Variants in EXT1 observed in about 807,000 individuals in gnomAD.
The protein encoded by EXT1 is exostosin-1.
Under a neutral mutation model 82.5 loss-of-function variants are expected in EXT1, and 20 were observed. The ratio of observed to expected loss-of-function variants is 0.24; its 90% confidence interval spans 0.17 to 0.35. The LOEUF is 0.35. EXT1 is among the 10% of genes least tolerant of loss of function. EXT1 has a pLI of 1.00. For synonymous variants in EXT1, 348 were observed against 350.8 expected, an observed-to-expected ratio of 0.99 and a Z score of 0.09; for missense variants, 757 against 936.5, an observed-to-expected ratio of 0.81 and a Z score of 2.50.
At chr8:117,867,721 T>C (rs1049027426) in intron 1 of EXT1, among the ~76,000 whole-genome samples, 8 of 152,240 alleles carry the variant, frequency 5.3e-5, no homozygotes, top group South Asian at 2.1e-4. Context: ...TTTGCTTTTA[T>C]TCCTTAAAAA....
At chr8:117,942,314 T>C (rs898038675) in intron 1 of EXT1, among the ~76,000 whole-genome samples, 1 of 152,194 alleles carries the variant, frequency 6.6e-6, no homozygotes, top group African/African-American at 2.4e-5. Flanking sequence ...CCTCTGGGTT[T>C]CTTCCTTATG....
At chr8:117,960,519 G>C (rs969406427) in intron 1 of EXT1, among the ~76,000 whole-genome samples, 14 of 152,148 alleles carry the variant, frequency 9.2e-5, no homozygotes, top group Non-Finnish European at 2.9e-5. Flanking sequence ...AGATTGGATA[G>C]AGAAACAAAT....
In EXT1 at chr8:117,799,644, C is replaced by T; in HGVS notation, c.*68G>A. ...CTGGCTCTGCTGATGAGTGGATCTG[C>T]ACTGGGAAGAGAGAGCAGCTTGACC... On this transcript the variant is annotated 3_prime_UTR_variant, in exon 11 of 11. Coordinates refer to ENST00000378204, the MANE Select transcript of EXT1 (RefSeq NM_000127.3). 1 of 1,562,168 alleles carries T rather than the reference C, an allele frequency of 6.4e-7. No individual in the cohort carries two copies. The highest frequency in any genetic ancestry group is 8.8e-7 in the Non-Finnish European group (1 of 1,133,462).
At chr8:117,923,944 A>G (rs1039920192) in intron 1 of EXT1, among the ~76,000 whole-genome samples, 2 of 152,194 alleles carry the variant, frequency 1.3e-5, no homozygotes, top group African/African-American at 2.4e-5. Flanking sequence ...ACACAGAGAC[A>G]TGTATTCACC....
At chr8:117,830,934 T>C (rs1459926785) in intron 3 of EXT1, among the ~76,000 whole-genome samples, 1 of 152,212 alleles carries the variant, frequency 6.6e-6, no homozygotes, top group East Asian at 1.9e-4. Flanking sequence ...CAAGTCTAAC[T>C]GGATCTCTCA....
chr8:118,038,783 A>T (rs558500018), intron 1 of EXT1, among the ~76,000 whole-genome samples: 5 of 152,172 alleles, frequency 3.3e-5, no homozygotes, highest in Non-Finnish European at 7.3e-5. Flanking sequence ...CTACATCTAA[A>T]AGATCCTAAT....
At chr8:118,046,035 A>G (rs1274744250) in intron 1 of EXT1, among the ~76,000 whole-genome samples, 5 of 151,548 alleles carry the variant, frequency 3.3e-5, no homozygotes, top group African/African-American at 1.2e-4. Flanking sequence ...GCCTCAAGTG[A>G]TCCGCCAGCC....
rs1427319973 is a variant in EXT1 at position 117,795,538 on chromosome 8, TG to T, written c.*4173del. ...GGGGCCAGGCGCAGTGGCTTACACC[TG>T]TAATCTCAGCACTTTGGGAGGCAGA... On this transcript the variant is annotated 3_prime_UTR_variant, in exon 11 of 11. Coordinates refer to ENST00000378204, the MANE Select transcript of EXT1 (RefSeq NM_000127.3). 1.9e-4 allele frequency: 28 copies of T among 151,000 alleles called. No homozygotes were observed. Among genetic ancestry groups the T allele is most frequent in the Non-Finnish European group, 1.6e-4 (11 of 67,884 alleles). The allele number at this position is 151,000 out of a possible 1,614,324, so 9.4% of individuals were successfully genotyped here.
rs577589491 is a variant in EXT1, at chr8:117,794,702, TAA to T, written c.*5008_*5009del. On this transcript the variant is annotated 3_prime_UTR_variant, in exon 11 of 11. Coordinates refer to ENST00000378204, the MANE Select transcript of EXT1 (RefSeq NM_000127.3). ...CACATACTTGAGGGCTTAATTACGCTAAGTCATTAATACTCTATAACAAATGG... is the reference window on the plus strand; with the variant it reads ...CACATACTTGAGGGCTTAATTACGCTGTCATTAATACTCTATAACAAATGG... 2.6e-5 allele frequency: 4 copies of T among 152,262 alleles called. No homozygotes were observed. The highest frequency in any genetic ancestry group is 4.2e-4 in the South Asian group (2 of 4,818). The allele number at this position is 152,262 out of a possible 1,614,324, so 9.4% of individuals were successfully genotyped here. A position where few individuals can be genotyped will look rare whatever the true frequency, so the allele number is the denominator to read the frequency against.
At chr8:118,028,879 G>A (rs1284075134) in intron 1 of EXT1, among the ~76,000 whole-genome samples, 16 of 152,060 alleles carry the variant, frequency 1.1e-4, no homozygotes, top group African/African-American at 3.1e-4. Flanking sequence ...CCAAGATCGC[G>A]CCATTGCACT....
chr8:117,823,299 G>A (rs1341664875), intron 4 of EXT1, among the ~76,000 whole-genome samples: 1 of 152,016 alleles, frequency 6.6e-6, no homozygotes, highest in Non-Finnish European at 1.5e-5. Flanking sequence ...TGGACTTTGG[G>A]ACCTTGCAGA....
At chr8:117,804,639 C>G in intron 10 of EXT1, 83 bp downstream of exon 10, 2 of 1,478,616 alleles carry the variant, frequency 1.4e-6, no homozygotes, top group Admixed American at 1.7e-5. Flanking sequence ...CTGGGTGGAA[C>G]AGCTAGAGGA....
chr8:117,867,332 A>AAAT (rs1812792490), intron 1 of EXT1, among the ~76,000 whole-genome samples: 1 of 151,512 alleles, frequency 6.6e-6, no homozygotes, highest in South Asian at 2.1e-4. Flanking sequence ...TTTAAATGTA[A>AAAT]AATCACTCCT....
Position 118,041,512 on chromosome 8 carries a change from G to A in EXT1, c.962+68573C>T, listed in dbSNP as rs138463458. On this transcript the variant is annotated intron_variant, in intron 1 of 10. Coordinates refer to ENST00000378204, the MANE Select transcript of EXT1 (RefSeq NM_000127.3). ...TAGGATATTATAAGAAGTCTATACC[G>A]AGTATTACAGGTGAAGCCCTTAGCA... 1.8e-3 allele frequency among the ~76,000 whole-genome samples: 277 copies of A among 152,238 alleles called. 1 individual carries two copies. Among genetic ancestry groups the A allele is most frequent in the Non-Finnish European group, 3.4e-3 (234 of 68,024 alleles).
chr8:118,041,264 G>A (rs946378582), intron 1 of EXT1, among the ~76,000 whole-genome samples: 2 of 152,122 alleles, frequency 1.3e-5, no homozygotes, highest in African/African-American at 4.8e-5. Flanking sequence ...ATGGTGCAGG[G>A]TAACGAGTCC....
At chr8:117,977,397 A>AAT (rs1377455924) in intron 1 of EXT1, among the ~76,000 whole-genome samples, 1 of 151,600 alleles carries the variant, frequency 6.6e-6, no homozygotes, top group Non-Finnish European at 1.5e-5. Flanking sequence ...AAAATAAAAA[A>AAT]AAAAAAAAAA....
In EXT1 at chr8:118,107,264, A is replaced by C. The variant is rs536920106; in HGVS notation, c.962+2821T>G. 2.0e-5 allele frequency among the ~76,000 whole-genome samples: 3 copies of C among 152,290 alleles called. No homozygotes were observed. In the East Asian group the frequency reaches 5.8e-4, roughly 29 times the overall value. On this transcript the variant is annotated intron_variant, in intron 1 of 10. Coordinates refer to ENST00000378204, the MANE Select transcript of EXT1 (RefSeq NM_000127.3). Reference sequence around the variant, plus strand: ...AAGGAAACTTACAGGTGATTGCTTGAGGGAGCAAATTAAACTGAAGCTTTT... The same window carrying C: ...AAGGAAACTTACAGGTGATTGCTTGCGGGAGCAAATTAAACTGAAGCTTTT...
chr8:118,010,725 C>CG (rs1185921393), intron 1 of EXT1, among the ~76,000 whole-genome samples: 1 of 152,186 alleles, frequency 6.6e-6, no homozygotes, highest in Admixed American at 6.5e-5. Context: ...GGCAACGGCA[C>CG]GGCCGCAAGA....
intron 1 of EXT1, among the ~76,000 whole-genome samples, chr8:118,084,819 G>A (rs773048220): frequency 2.6e-5 from 4 of 152,130 alleles, no homozygotes; most frequent in Non-Finnish European, 5.9e-5. Context: ...TTCCTCATCC[G>A]TATTAATAAA....
Sources: gnomAD v4.1 joint callset for allele counts (sites outside exome capture counted in the v4.1 genomes callset) on GRCh38, gnomAD v4.1.1 for gene constraint, MANE v1.5 for transcripts, NCBI Gene and HGNC (gene_info 2026-07-23, HGNC 2026-07-21) for gene names.